LRP1B: variants seen among roughly 807,000 people sequenced by gnomAD.
LRP1B encodes low-density lipoprotein receptor-related protein 1B.
Under a neutral mutation model 556.6 loss-of-function variants are expected in LRP1B, and 217 were observed. The observed-to-expected ratio is 0.39, with a 90% CI of 0.35 to 0.44. The LOEUF (loss-of-function observed/expected upper bound fraction) is 0.44. Ranked by LOEUF, LRP1B falls within the 20% of genes least tolerant of loss-of-function variation. The pLI is 1.00. For missense variants in LRP1B, 5,053 were observed against 5,620.8 expected (o/e 0.90, Z 3.23); for synonymous variants, 2,047 against 1,865.8 (o/e 1.10, Z -2.50).
intron 2 of LRP1B, among the ~76,000 whole-genome samples, chr2:141,758,221 C>G (rs555684512): frequency 2.0e-5 from 3 of 152,174 alleles, no homozygotes; most frequent in Admixed American, 2.0e-4. Context: ...TTTGTAACAA[C>G]TTAATATGCT....
chr2:140,496,028 TA>T (rs762081929), intron 55 of LRP1B, among the ~76,000 whole-genome samples: 1 of 152,084 alleles, frequency 6.6e-6, no homozygotes, highest in Non-Finnish European at 1.5e-5. Context: ...GCAAGGCAAA[TA>T]AAAAAAGAGT....
At chr2:140,582,552 C>T (rs984896529) in intron 43 of LRP1B, among the ~76,000 whole-genome samples, 2 of 152,138 alleles carry the variant, frequency 1.3e-5, no homozygotes, top group African/African-American at 2.4e-5. Context: ...TCTCATTAGC[C>T]CGTCCTTATA....
At chr2:141,763,304 T>A (rs1694622161) in intron 2 of LRP1B, among the ~76,000 whole-genome samples, 1 of 152,162 alleles carries the variant, frequency 6.6e-6, no homozygotes, top group Non-Finnish European at 1.5e-5. Context: ...AACTTAAAAA[T>A]TTGATTTAAA....
chr2:140,673,506 A>G (rs1221413435), intron 41 of LRP1B, among the ~76,000 whole-genome samples: 3 of 152,098 alleles, frequency 2.0e-5, no homozygotes, highest in Non-Finnish European at 4.4e-5. Context: ...CATGCTCTTT[A>G]CTTCTGAGTC....
intron 3 of LRP1B, among the ~76,000 whole-genome samples, chr2:141,442,425 C>CTT (rs5834828): frequency 0.23 from 32,143 of 137,402 alleles, 4,292 homozygotes; most frequent in East Asian, 0.45. Context: ...TTCACACATT[C>CTT]TTTTTTTTTT....
intron 15 of LRP1B, among the ~76,000 whole-genome samples, chr2:140,995,819 T>C (rs551046938): frequency 6.6e-6 from 1 of 152,114 alleles, no homozygotes; most frequent in South Asian, 2.1e-4. Context: ...TCTAAACAAA[T>C]GTTAGGAATT....
chr2:141,087,047 G>A (rs1386817673), intron 7 of LRP1B, among the ~76,000 whole-genome samples: 1 of 152,188 alleles, frequency 6.6e-6, no homozygotes, highest in African/African-American at 2.4e-5. Context: ...TAGGCCTGTG[G>A]CGGCAGCAAT....
chr2:141,950,270 C>CA (rs1000094337), intron 1 of LRP1B, among the ~76,000 whole-genome samples: 5 of 151,836 alleles, frequency 3.3e-5, no homozygotes, highest in African/African-American at 7.3e-5. Flanking sequence ...TATGGTATTT[C>CA]AAAAAAATCC....
intron 2 of LRP1B, among the ~76,000 whole-genome samples, chr2:141,503,448 A>C (rs1186872758): frequency 6.6e-6 from 1 of 151,958 alleles, no homozygotes; most frequent in African/African-American, 2.4e-5. Context: ...TCAAATATCA[A>C]TTGCCAAGTC....
At chr2:142,048,129 G>A (rs564999664) in intron 1 of LRP1B, among the ~76,000 whole-genome samples, 2 of 152,140 alleles carry the variant, frequency 1.3e-5, no homozygotes, top group East Asian at 3.9e-4. Flanking sequence ...CAGATTTGCT[G>A]AAGCACCTCT....
chr2:141,875,089 T>C (rs1366897986), intron 1 of LRP1B, among the ~76,000 whole-genome samples: 4 of 151,756 alleles, frequency 2.6e-5, no homozygotes, highest in Non-Finnish European at 5.9e-5. Flanking sequence ...ATATCATATA[T>C]ATTGTGATGT....
At chr2:140,972,154 A>G (rs1416786652) in intron 18 of LRP1B, among the ~76,000 whole-genome samples, 2 of 152,230 alleles carry the variant, frequency 1.3e-5, no homozygotes, top group East Asian at 3.9e-4. Context: ...CAAAGAAAGA[A>G]AGATGCGAAA....
rs1243964611 is a variant in LRP1B, at chr2:140,867,749, C to A, written c.4420G>T (p.Ala1474Ser). ...RGHEYLSHPF[A>S]VSLYGSEVYW... Reference sequence around the variant, plus strand: ...ACTTCACTCCCATATAGAGACACAGCAAAGGGATGGGAAAGGTATTCATGA... The same window carrying A: ...ACTTCACTCCCATATAGAGACACAGAAAAGGGATGGGAAAGGTATTCATGA... Residue 1474 changes from alanine to serine, a missense_variant, in exon 27 of 91, where the codon GCT (alanine) becomes TCT (serine). Physicochemically the swap from Ala to Ser is moderately conservative, Grantham distance 99. Coordinates refer to ENST00000389484, the MANE Select transcript of LRP1B (RefSeq NM_018557.3). The A allele has an allele frequency of 6.2e-7, 1 of 1,611,506 alleles. No individual in the cohort carries two copies. Among genetic ancestry groups the A allele is most frequent in the Non-Finnish European group, 8.5e-7 (1 of 1,178,722 alleles).
intron 15 of LRP1B, among the ~76,000 whole-genome samples, chr2:140,999,571 G>T (rs544011812): frequency 6.4e-4 from 98 of 152,106 alleles, no homozygotes; most frequent in African/African-American, 2.3e-3. Context: ...TTTACACAGA[G>T]ATATGCAGTG....
rs375820720 is a variant in LRP1B, at chr2:140,851,698, C to T, written c.4665G>A (p.Ala1555=). ...AAGAAAGCTTCATCAAGTGGGGGCA[C>T]GCACAGGCAGCACTCCTATTGTGAT... ...LINHNRSAAC[A]CPHLMKLSSD... The change falls in exon 28 of 91, where the codon GCG becomes GCA. Residue 1555 remains alanine, a synonymous_variant. Transcript: ENST00000389484. 124 of 1,611,870 alleles carry T rather than the reference C, an allele frequency of 7.7e-5. No individual in the cohort carries two copies. The highest frequency in any genetic ancestry group is 9.8e-5 in the Non-Finnish European group (116 of 1,179,244).
At chr2:141,129,698 G>T (rs980387437) in intron 7 of LRP1B, among the ~76,000 whole-genome samples, 1 of 151,640 alleles carries the variant, frequency 6.6e-6, no homozygotes, top group African/African-American at 2.4e-5. Flanking sequence ...AAACCCAAGA[G>T]ATTCAACAAA....
intron 3 of LRP1B, among the ~76,000 whole-genome samples, chr2:141,298,954 T>TAAA (rs10714514): frequency 4.0e-5 from 5 of 123,858 alleles, no homozygotes; most frequent in Non-Finnish European, 8.3e-5. Context: ...AACTCCATCT[T>TAAA]AAAAAAAAAA....
intron 2 of LRP1B, among the ~76,000 whole-genome samples, chr2:141,772,083 T>C (rs1247905030): frequency 6.6e-6 from 1 of 152,102 alleles, no homozygotes; most frequent in East Asian, 1.9e-4. Context: ...CCCAAAGTGC[T>C]GGGATTACCA....
intron 37 of LRP1B, among the ~76,000 whole-genome samples, chr2:140,703,661 T>C (rs935014503): frequency 6.6e-6 from 1 of 152,138 alleles, no homozygotes; most frequent in South Asian, 2.1e-4. Context: ...TAGTACCTAA[T>C]GGGTAGTTCC....
Sources: gnomAD v4.1 joint callset for allele counts (sites outside exome capture counted in the v4.1 genomes callset) on GRCh38, gnomAD v4.1.1 for gene constraint, MANE v1.5 for transcripts, NCBI Gene and HGNC (gene_info 2026-07-23, HGNC 2026-07-21) for gene names.